Variants in SCAPER observed in about 807,000 individuals in gnomAD.
The protein encoded by SCAPER is S phase cyclin A-associated protein in the endoplasmic reticulum.
A neutral mutation model predicts 182.2 loss-of-function variants in SCAPER; 98 were observed. The observed-to-expected ratio is 0.54, with a 90% confidence interval of 0.46 to 0.64. The LOEUF is 0.64. SCAPER is among the 30% of genes least tolerant of loss of function. SCAPER has a pLI of 0.00. For synonymous variants in SCAPER, 605 were observed against 564.6 expected, an observed-to-expected ratio of 1.07 and a Z score of -1.01; for missense variants, 1,432 against 1,690.0, an observed-to-expected ratio of 0.85 and a Z score of 2.68.
chr15:76,883,628 G>A (rs2073693524), intron 2 of SCAPER, among the ~76,000 whole-genome samples, 184 bp downstream of exon 2: 1 of 152,214 alleles, frequency 6.6e-6, no homozygotes, highest in Non-Finnish European at 1.5e-5. Context: ...CTGAGGAGCA[G>A]CAGGGTTCCT....
chr15:76,654,816 T>C (rs2055487076), intron 21 of SCAPER, among the ~76,000 whole-genome samples: 1 of 152,164 alleles, frequency 6.6e-6, no homozygotes, highest in Non-Finnish European at 1.5e-5. Context: ...GCAGGGGGCC[T>C]GAATGCCATT....
chr15:76,413,260 A>G (rs575586460), intron 26 of SCAPER, among the ~76,000 whole-genome samples: 4 of 152,314 alleles, frequency 2.6e-5, no homozygotes, highest in African/African-American at 9.6e-5. Flanking sequence ...AACTTTCAAT[A>G]CAATGCTGAA....
intron 27 of SCAPER, among the ~76,000 whole-genome samples, chr15:76,385,646 T>C (rs1398580319): frequency 1.3e-5 from 2 of 152,210 alleles, no homozygotes; most frequent in African/African-American, 2.4e-5. Flanking sequence ...TCCTGGGATA[T>C]TCTGAGAAAG....
At chr15:76,498,973 A>G (rs1176228080) in intron 24 of SCAPER, among the ~76,000 whole-genome samples, 1 of 152,224 alleles carries the variant, frequency 6.6e-6, no homozygotes, top group Admixed American at 6.5e-5. Flanking sequence ...GATCTATTTG[A>G]TATGAATAAC....
chr15:76,404,076 G>C (rs577695357), intron 27 of SCAPER, among the ~76,000 whole-genome samples: 2 of 152,304 alleles, frequency 1.3e-5, no homozygotes, highest in South Asian at 4.2e-4. Flanking sequence ...AAGTACTCTG[G>C]AAGAAGGGAC....
In SCAPER at chr15:76,791,577, G is replaced by C. The variant is rs367757122; in HGVS notation, c.772+3703C>G. Among the ~76,000 whole-genome samples, 35 of 152,084 alleles carry C rather than the reference G, an allele frequency of 2.3e-4. No homozygotes were observed. In the East Asian group the frequency reaches 5.4e-3, roughly 23 times the overall value. ...GAACTTCGGGGCAAAAATCTTAGAG[G>C]GGGTGGGAAAGTACTGCAGGGAATT... is the stretch of plus-strand genomic sequence containing the variant. On this transcript the variant is annotated intron_variant, in intron 8 of 31. Coordinates refer to ENST00000563290, the MANE Select transcript of SCAPER (RefSeq NM_020843.4).
chr15:76,501,209 A>C (rs943468149), intron 24 of SCAPER, among the ~76,000 whole-genome samples: 2 of 152,116 alleles, frequency 1.3e-5, no homozygotes, highest in Non-Finnish European at 2.9e-5. Context: ...AAGCCCTTTC[A>C]ATGATAACTT....
chr15:76,503,825 A>C (rs1243224880), intron 24 of SCAPER, among the ~76,000 whole-genome samples: 1 of 152,198 alleles, frequency 6.6e-6, no homozygotes, highest in East Asian at 1.9e-4. Context: ...CAGAAAAAAA[A>C]GATAACATAC....
chr15:76,607,472 G>T (rs1261717366), intron 22 of SCAPER, among the ~76,000 whole-genome samples: 1 of 152,038 alleles, frequency 6.6e-6, no homozygotes, highest in African/African-American at 2.4e-5. Flanking sequence ...TTTCAACTTT[G>T]GTGAATCTGA....
At chr15:76,709,519 T>A (rs1052235156) in intron 17 of SCAPER, among the ~76,000 whole-genome samples, 8 of 152,184 alleles carry the variant, frequency 5.3e-5, no homozygotes, top group African/African-American at 1.4e-4. Flanking sequence ...CTCCAGAAGA[T>A]GTGAAAAATC....
intron 5 of SCAPER, among the ~76,000 whole-genome samples, chr15:76,810,551 C>CCACACACA (rs67252250): frequency 1.5e-5 from 2 of 133,448 alleles, no homozygotes; most frequent in Non-Finnish European, 3.2e-5. Flanking sequence ...AAAAAAAAAA[C>CCACACACA]CACACACACA....
chr15:76,504,337 G>T (rs772476339), intron 24 of SCAPER, among the ~76,000 whole-genome samples: 1 of 152,050 alleles, frequency 6.6e-6, no homozygotes, highest in African/African-American at 2.4e-5. Context: ...GACTAAAGGG[G>T]GACTTAAGAG....
At chr15:76,519,475 T>C (rs1478876965) in intron 23 of SCAPER, among the ~76,000 whole-genome samples, 2 of 152,218 alleles carry the variant, frequency 1.3e-5, no homozygotes, top group African/African-American at 4.8e-5. Context: ...TTTAAGGTTG[T>C]TAACTTTGTG....
intron 20 of SCAPER, among the ~76,000 whole-genome samples, chr15:76,691,549 T>C (rs554174651): frequency 2.0e-5 from 3 of 152,240 alleles, no homozygotes; most frequent in African/African-American, 7.2e-5. Flanking sequence ...GAACTTACTG[T>C]ATTAGGAATG....
intron 22 of SCAPER, among the ~76,000 whole-genome samples, chr15:76,575,941 G>A (rs2047787135): frequency 6.6e-6 from 1 of 152,190 alleles, no homozygotes; most frequent in African/African-American, 2.4e-5. Context: ...CTTCATGAGC[G>A]AGGTGCTCGT....
chr15:76,825,180 A>C (rs940809757), intron 5 of SCAPER, among the ~76,000 whole-genome samples: 1 of 152,208 alleles, frequency 6.6e-6, no homozygotes, highest in African/African-American at 2.4e-5. Context: ...GCTTTTATTC[A>C]GCCTCAAGGA....
At chr15:76,830,294 G>A (rs2068353121) in intron 5 of SCAPER, among the ~76,000 whole-genome samples, 1 of 152,112 alleles carries the variant, frequency 6.6e-6, no homozygotes, top group East Asian at 1.9e-4. Flanking sequence ...ACCATGTTAA[G>A]GATTCTGATG....
At chr15:76,720,446 T>C (rs1265555704) in intron 17 of SCAPER, among the ~76,000 whole-genome samples, 1 of 152,204 alleles carries the variant, frequency 6.6e-6, no homozygotes, top group Non-Finnish European at 1.5e-5. Context: ...ATATACCCAG[T>C]AATGGGACGA....
chr15:76,407,072 A>G (rs182877252), intron 26 of SCAPER, among the ~76,000 whole-genome samples: 21 of 152,362 alleles, frequency 1.4e-4, no homozygotes, highest in Admixed American at 9.2e-4. Context: ...AGAGATAAGT[A>G]GAATTGAAAG....
Sources: gnomAD v4.1 joint callset for allele counts (sites outside exome capture counted in the v4.1 genomes callset) on GRCh38, gnomAD v4.1.1 for gene constraint, MANE v1.5 for transcripts, NCBI Gene and HGNC (gene_info 2026-07-23, HGNC 2026-07-21) for gene names.